Variants in HCN1 observed in about 807,000 individuals in gnomAD.
The protein encoded by HCN1 is potassium/sodium hyperpolarization-activated cyclic nucleotide-gated channel 1.
HCN1 carries 13 observed loss-of-function variants against 78.9 expected under a neutral mutation model. The ratio of observed to expected loss-of-function variants is 0.16; its 90% CI spans 0.11 to 0.26. HCN1 has a LOEUF of 0.26. HCN1 is among the 10% of genes least tolerant of loss of function. The probability of loss-of-function intolerance (pLI) is 1.00; values close to 1 mark genes in which losing one functional copy is unlikely to be tolerated. For synonymous variants in HCN1, 552 were observed against 455.5 expected, an observed-to-expected ratio of 1.21 and a Z score of -2.70; for missense variants, 810 against 1,154.3, an observed-to-expected ratio of 0.70 and a Z score of 4.32.
chr5:45,524,763 A>G (rs1179076401), intron 2 of HCN1, among the ~76,000 whole-genome samples: 3 of 152,144 alleles, frequency 2.0e-5, no homozygotes, highest in Admixed American at 6.5e-5. Flanking sequence ...TTGGGCTGAG[A>G]CGATGGGGTT....
intron 1 of HCN1, among the ~76,000 whole-genome samples, chr5:45,659,996 T>C (rs962209557): frequency 2.8e-5 from 4 of 142,354 alleles, no homozygotes; most frequent in Non-Finnish European, 6.0e-5. Flanking sequence ...CCAAGACACA[T>C]AATTGTCAGA....
At chr5:45,597,872 T>C (rs1271391500) in intron 2 of HCN1, among the ~76,000 whole-genome samples, 1 of 152,114 alleles carries the variant, frequency 6.6e-6, no homozygotes, top group Non-Finnish European at 1.5e-5. Context: ...GTGAAGGACC[T>C]CTTCAAGGAG....
At chr5:45,602,138 A>G (rs1744637181) in intron 2 of HCN1, among the ~76,000 whole-genome samples, 1 of 152,100 alleles carries the variant, frequency 6.6e-6, no homozygotes, top group African/African-American at 2.4e-5. Context: ...ATGCAAAACT[A>G]TGAGCAATTA....
intron 4 of HCN1, among the ~76,000 whole-genome samples, chr5:45,365,404 T>C (rs1184308414): frequency 6.6e-6 from 1 of 152,036 alleles, no homozygotes; most frequent in African/African-American, 2.4e-5. Flanking sequence ...TGTCCATATG[T>C]ACCCATTGTT....
chr5:45,695,934 C>A lies in HCN1; in HGVS notation c.160G>T (p.Gly54Cys), dbSNP rs1245405853. 2.1e-6 allele frequency: 3 copies of A among 1,420,826 alleles called. No individual in the cohort carries two copies. Among genetic ancestry groups the A allele is most frequent in the East Asian group, 6.1e-5 (2 of 32,676 alleles). 88.0% of individuals were successfully genotyped at this position (1,420,826 alleles called of 1,614,324 possible). ...TCCACCTTGAAGCACACGGAGTTGCCGTGCTCCTTCGCGCCGGCCCCGCCG... is the reference window on the plus strand; with the variant it reads ...TCCACCTTGAAGCACACGGAGTTGCAGTGCTCCTTCGCGCCGGCCCCGCCG... Reference protein sequence around the residue: ...GGGGAGAKEHGNSVCFKVDGG... With the variant: ...GGGGAGAKEHCNSVCFKVDGG... Residue 54 changes from glycine (G) to cysteine (C), a missense_variant, in exon 1 of 8, where the codon GGC becomes TGC. Around this residue, in one of 6 missense-constraint regions of HCN1, gnomAD observed 170 missense variants for 166.8 expected, o/e 1.02. Coordinates refer to ENST00000303230, the MANE Select transcript of HCN1 (RefSeq NM_021072.4).
At chr5:45,466,092 A>G (rs1262268012) in intron 2 of HCN1, among the ~76,000 whole-genome samples, 2 of 152,118 alleles carry the variant, frequency 1.3e-5, no homozygotes, top group Non-Finnish European at 2.9e-5. Context: ...ATTTTTTGTG[A>G]TATTTTCCCA....
intron 2 of HCN1, among the ~76,000 whole-genome samples, chr5:45,509,580 T>C (rs1388328304): frequency 1.3e-5 from 2 of 152,106 alleles, no homozygotes; most frequent in East Asian, 1.9e-4. Context: ...TGTTTAAAGA[T>C]AGGACTTCAT....
intron 2 of HCN1, among the ~76,000 whole-genome samples, chr5:45,593,370 A>ACACCCCC (rs1554034748): frequency 7.4e-6 from 1 of 135,118 alleles, no homozygotes; most frequent in African/African-American, 2.8e-5. Context: ...ACACACACAC[A>ACACCCCC]CCCCACATGT....
At chr5:45,474,101 T>G (rs1037746253) in intron 2 of HCN1, among the ~76,000 whole-genome samples, 2 of 151,850 alleles carry the variant, frequency 1.3e-5, no homozygotes, top group African/African-American at 4.8e-5. Context: ...CACATTTTAG[T>G]TGAGGGAAAT....
At chr5:45,279,703 C>T (rs1257057987) in intron 6 of HCN1, among the ~76,000 whole-genome samples, 1 of 152,038 alleles carries the variant, frequency 6.6e-6, no homozygotes, top group East Asian at 1.9e-4. Flanking sequence ...GTACCTCATA[C>T]ATTTCCACCT....
intron 6 of HCN1, among the ~76,000 whole-genome samples, chr5:45,279,894 C>G (rs1052039398): frequency 1.3e-5 from 2 of 152,008 alleles, no homozygotes; most frequent in Admixed American, 6.6e-5. Flanking sequence ...TTTAAGCAGG[C>G]ACATATTTTG....
chr5:45,400,386 T>TA (rs1260809085), intron 3 of HCN1, among the ~76,000 whole-genome samples: 3 of 150,000 alleles, frequency 2.0e-5, no homozygotes, highest in African/African-American at 7.4e-5. Context: ...AAATATATAT[T>TA]AAAAATGCTT....
intron 2 of HCN1, among the ~76,000 whole-genome samples, chr5:45,557,289 A>G (rs572162184): frequency 1.3e-5 from 2 of 151,978 alleles, no homozygotes; most frequent in Non-Finnish European, 2.9e-5. Flanking sequence ...AAAATTCTCA[A>G]CGGTTCTCGT....
chr5:45,409,104 G>A (rs1392704978), intron 3 of HCN1, among the ~76,000 whole-genome samples: 1 of 151,970 alleles, frequency 6.6e-6, no homozygotes, highest in Non-Finnish European at 1.5e-5. Flanking sequence ...ATGGTACAAT[G>A]TGGAAAGAAT....
intron 2 of HCN1, among the ~76,000 whole-genome samples, chr5:45,567,480 T>G (rs984346926): frequency 6.6e-6 from 1 of 150,806 alleles, no homozygotes; most frequent in Admixed American, 6.6e-5. Flanking sequence ...AGCTAAATGT[T>G]GACATGCAGA....
At chr5:45,407,512 G>A (rs1013682632) in intron 3 of HCN1, among the ~76,000 whole-genome samples, 2 of 151,932 alleles carry the variant, frequency 1.3e-5, no homozygotes, top group Admixed American at 1.3e-4. Flanking sequence ...AGGCATCGCA[G>A]AGAGGCTTTT....
chr5:45,455,823 A>G (rs1044494186), intron 3 of HCN1, among the ~76,000 whole-genome samples: 11 of 151,466 alleles, frequency 7.3e-5, no homozygotes, highest in Non-Finnish European at 1.5e-4. Flanking sequence ...GCTTATACCT[A>G]TAAGTGAAAT....
At chr5:45,324,570 A>G (rs1394745786) in intron 5 of HCN1, among the ~76,000 whole-genome samples, 1 of 151,958 alleles carries the variant, frequency 6.6e-6, no homozygotes, top group Non-Finnish European at 1.5e-5. Context: ...AAACTAGTTC[A>G]ACCTAAAGTA....
intron 3 of HCN1, among the ~76,000 whole-genome samples, chr5:45,420,561 CGA>C (rs1740206676): frequency 6.6e-6 from 1 of 152,010 alleles, no homozygotes; most frequent in Non-Finnish European, 1.5e-5. Context: ...CAGGCTGGTG[CGA>C]CAACATGTGG....
Sources: allele counts gnomAD v4.1 joint callset (sites outside exome capture counted in the v4.1 genomes callset), GRCh38; gene constraint gnomAD v4.1.1; regional missense constraint gnomAD v4.1.1; transcripts MANE v1.5; gene names NCBI Gene and HGNC (gene_info 2026-07-23, HGNC 2026-07-21).